Variants in SYNE2 observed in about 807,000 individuals in gnomAD.
The protein encoded by SYNE2 is nesprin-2.
Under a neutral mutation model 856.3 loss-of-function variants are expected in SYNE2, and 431 were observed. The ratio of observed to expected loss-of-function variants is 0.50; its 90% CI spans 0.47 to 0.55. SYNE2 has a LOEUF of 0.55. Ranked by LOEUF, SYNE2 falls within the 20% of genes least tolerant of loss-of-function variation. SYNE2 has a pLI of 0.00. For missense variants in SYNE2, 8,129 were observed against 8,023.2 expected (o/e 1.01, Z -0.50); for synonymous variants, 2,923 against 2,872.3 (o/e 1.02, Z -0.56).
intron 49 of SYNE2, among the ~76,000 whole-genome samples, chr14:64,058,183 G>T (rs749506384): frequency 3.3e-5 from 5 of 152,168 alleles, no homozygotes; most frequent in Non-Finnish European, 7.4e-5. Context: ...TATTACCAAA[G>T]AAATCTTTGC....
chr14:64,142,777 T>C (rs1020352252), intron 82 of SYNE2, among the ~76,000 whole-genome samples: 1 of 152,216 alleles, frequency 6.6e-6, no homozygotes, highest in African/African-American at 2.4e-5. Flanking sequence ...AGTAAGAGAA[T>C]GAGTAAGAAA....
At chr14:64,053,868 C>T (rs933805610) in intron 48 of SYNE2, among the ~76,000 whole-genome samples, 1 of 152,156 alleles carries the variant, frequency 6.6e-6, no homozygotes, top group African/African-American at 2.4e-5. Flanking sequence ...ACTCAGGAGG[C>T]TGAGGTACAA....
At chr14:64,190,259 A>G in intron 99 of SYNE2, 22 bp downstream of exon 99, 3 of 1,613,932 alleles carry the variant, frequency 1.9e-6, no homozygotes, top group Non-Finnish European at 2.5e-6. Flanking sequence ...GCTAAAAATG[A>G]TTACTCTCCA....
intron 1 of SYNE2, among the ~76,000 whole-genome samples, chr14:63,784,110 A>G (rs1316928255): frequency 6.6e-6 from 1 of 152,214 alleles, no homozygotes; most frequent in Non-Finnish European, 1.5e-5. Flanking sequence ...AGAATGATGA[A>G]GCAAGTGGTG....
intron 62 of SYNE2, 138 bp downstream of exon 62, chr14:64,098,284 C>A: frequency 2.1e-6 from 2 of 944,262 alleles, no homozygotes; most frequent in Non-Finnish European, 3.3e-6. Context: ...AATACTCAAC[C>A]TGAGGTTGTT....
chr14:63,896,267 C>G (rs866422675), intron 1 of SYNE2, among the ~76,000 whole-genome samples: 1 of 152,182 alleles, frequency 6.6e-6, no homozygotes, highest in South Asian at 2.1e-4. Flanking sequence ...TGTGTACTCC[C>G]GAACTCCTGT....
chr14:63,927,172 CG>C (rs2095679325), intron 2 of SYNE2, among the ~76,000 whole-genome samples: 1 of 152,120 alleles, frequency 6.6e-6, no homozygotes, highest in Non-Finnish European at 1.5e-5. Flanking sequence ...TCGAGTAATT[CG>C]GGTAAGTTTG....
intron 57 of SYNE2, among the ~76,000 whole-genome samples, chr14:64,083,138 T>C (rs916181989): frequency 6.6e-6 from 1 of 152,156 alleles, no homozygotes; most frequent in Non-Finnish European, 1.5e-5. Flanking sequence ...ACCTCAGACC[T>C]CCCTGACGTT....
At position 63,941,943 on chromosome 14, in the gene SYNE2, C is replaced by A; in HGVS notation, c.296C>A (p.Thr99Lys). The A allele has an allele frequency of 6.2e-7, 1 of 1,612,866 alleles. No individual in the cohort carries two copies. The highest frequency in any genetic ancestry group is 8.5e-7 in the Non-Finnish European group (1 of 1,179,740). ...AGAATCAATATAGAACATGCCTTGA[C>A]ATTCCTAAGAAACCGATCAGTAAGT... ...QCRINIEHALTFLRNRSIKLI... is the reference protein window; with the variant it reads ...QCRINIEHALKFLRNRSIKLI... The change falls in exon 5 of 116, where the codon ACA (threonine) becomes AAA (lysine). Residue 99 changes from threonine (T) to lysine (K), a missense_variant. Transcript: ENST00000555002.
chr14:63,861,170 A>AGTC (rs1893556491), intron 1 of SYNE2, among the ~76,000 whole-genome samples: 2 of 129,328 alleles, frequency 1.5e-5, no homozygotes, highest in South Asian at 4.8e-4. Flanking sequence ...TTTGAGACGG[A>AGTC]GTCTTACTCT....
In SYNE2 at chr14:64,074,849, C is replaced by T. The variant is rs368683778; in HGVS notation, c.10866+713C>T. On this transcript the variant is annotated intron_variant, in intron 53 of 115. Transcript: ENST00000555002. Reference sequence around the variant, plus strand: ...GGTGGTGGTTGTAGTAAGCCGAGATCGTGCCGCTGCAATCCAGCCTGGCTC... The same window carrying T: ...GGTGGTGGTTGTAGTAAGCCGAGATTGTGCCGCTGCAATCCAGCCTGGCTC... Among the ~76,000 whole-genome samples the T allele has an allele frequency of 2.4e-4, 36 of 150,900 alleles. 1 individual carries two copies. The highest frequency in any genetic ancestry group is 8.5e-4 in the African/African-American group (35 of 41,244).
intron 59 of SYNE2, 59 bp downstream of exon 59, chr14:64,089,755 A>C: frequency 7.5e-7 from 1 of 1,329,908 alleles, no homozygotes; most frequent in South Asian, 1.3e-5. Flanking sequence ...TCTTTTTCAA[A>C]ATATAATATA....
intron 22 of SYNE2, among the ~76,000 whole-genome samples, chr14:63,994,500 A>G (rs2096696536): frequency 6.6e-6 from 1 of 152,222 alleles, no homozygotes; most frequent in African/African-American, 2.4e-5. Flanking sequence ...AAGATGGTGC[A>G]GAGAGTTCCA....
intron 79 of SYNE2, among the ~76,000 whole-genome samples, chr14:64,139,453 C>T (rs2098123509): frequency 6.6e-6 from 1 of 151,682 alleles, no homozygotes; most frequent in South Asian, 2.1e-4. Context: ...GCTCTGTCGC[C>T]CAGGCTGGAG....
At chr14:63,844,382 T>C (rs1890165505) in intron 1 of SYNE2, among the ~76,000 whole-genome samples, 1 of 152,244 alleles carries the variant, frequency 6.6e-6, no homozygotes. Flanking sequence ...TAATATTCAA[T>C]TGTCTGGGTT....
At position 64,062,915 on chromosome 14, in the gene SYNE2, G is replaced by A. The variant is rs200261434; in HGVS notation, c.10212+20G>A. 6.8e-6 allele frequency: 11 copies of A among 1,614,022 alleles called. No individual in the cohort carries two copies. In the African/African-American group the frequency reaches 8.0e-5, roughly 12 times the overall value. On this transcript the variant is annotated intron_variant, in intron 50 of 115. Transcript: ENST00000555002. ...AGCAAGGTAATAGTATTGGCAATTA[G>A]CCAGTAAGTCTGTGTGCAAAAAATT...
At chr14:64,183,065 C>T (rs2098467686) in intron 96 of SYNE2, among the ~76,000 whole-genome samples, 1 of 150,698 alleles carries the variant, frequency 6.6e-6, no homozygotes, top group South Asian at 2.1e-4. Context: ...CGGAGACGCT[C>T]CTCACTTCCC....
At chr14:63,786,461 C>T (rs550492617) in intron 1 of SYNE2, among the ~76,000 whole-genome samples, 2 of 152,268 alleles carry the variant, frequency 1.3e-5, no homozygotes, top group East Asian at 3.9e-4. Flanking sequence ...ATTACTTTCC[C>T]TTCTCTTCAG....
At position 63,967,847 on chromosome 14, in the gene SYNE2, G is replaced by C; in HGVS notation, c.1128+1G>C. The C allele has an allele frequency of 6.2e-7, 1 of 1,613,840 alleles. No individual in the cohort carries two copies. The highest frequency in any genetic ancestry group is 8.5e-7 in the Non-Finnish European group (1 of 1,179,850). ...AGCCTGGGATGGCCTCGATCACCAGGTGACTGTTTGTGTTGATTAGAAGAA... is the reference window on the plus strand; with the variant it reads ...AGCCTGGGATGGCCTCGATCACCAGCTGACTGTTTGTGTTGATTAGAAGAA... On this transcript the variant is annotated splice_donor_variant, in intron 11 of 115. Coordinates refer to ENST00000555002, the MANE Select transcript of SYNE2 (RefSeq NM_182914.3). LOFTEE classifies it high-confidence loss of function.
Sources: allele counts gnomAD v4.1 joint callset (sites outside exome capture counted in the v4.1 genomes callset), GRCh38; gene constraint gnomAD v4.1.1; transcripts MANE v1.5; gene names NCBI Gene and HGNC (gene_info 2026-07-23, HGNC 2026-07-21).